HERC1: variants seen among roughly 807,000 people sequenced by gnomAD.
The protein encoded by HERC1 is probable E3 ubiquitin-protein ligase HERC1.
A neutral mutation model predicts 554.3 loss-of-function variants in HERC1; 160 were observed. The ratio of observed to expected loss-of-function variants is 0.29; its 90% CI spans 0.25 to 0.33. The LOEUF (loss-of-function observed/expected upper bound fraction) is 0.33. Ranked by LOEUF, HERC1 falls within the 10% of genes least tolerant of loss-of-function variation. The probability of loss-of-function intolerance (pLI) is 1.00; values close to 1 mark genes in which losing one functional copy is unlikely to be tolerated. For synonymous variants in HERC1, 2,175 were observed against 2,131.7 expected (o/e 1.02, Z -0.56); for missense variants, 4,919 against 5,918.5 (o/e 0.83, Z 5.54).
Position 63,822,558 on chromosome 15 carries a change from C to A in HERC1, c.-27+11269G>T, listed in dbSNP as rs551525864. ...CCGAGATCATGCCACTGCACTCCAG[C>A]CTGGGCAACAGAGCAAGACTCTGTC... On this transcript the variant is annotated intron_variant, in intron 1 of 77. Coordinates refer to ENST00000443617, the MANE Select transcript of HERC1 (RefSeq NM_003922.4). Among the ~76,000 whole-genome samples, 701 of 151,802 alleles carry A rather than the reference C, an allele frequency of 4.6e-3. 3 individuals carry two copies. Among genetic ancestry groups the A allele is most frequent in the Non-Finnish European group, 7.5e-3 (512 of 67,966 alleles).
At chr15:63,794,417 G>A (rs1052555591) in intron 1 of HERC1, among the ~76,000 whole-genome samples, 1 of 152,122 alleles carries the variant, frequency 6.6e-6, no homozygotes. Context: ...ATCACTGAGT[G>A]ATCAACTCAA....
intron 1 of HERC1, among the ~76,000 whole-genome samples, chr15:63,815,960 C>A (rs1567156946): frequency 6.6e-6 from 1 of 152,126 alleles, no homozygotes; most frequent in Non-Finnish European, 1.5e-5. Flanking sequence ...CATGAGAACT[C>A]ACTATCAGGA....
At chr15:63,742,627 G>A (rs976968987) in intron 12 of HERC1, among the ~76,000 whole-genome samples, 1 of 152,056 alleles carries the variant, frequency 6.6e-6, no homozygotes, top group African/African-American at 2.4e-5. Flanking sequence ...CCCTTTTCAG[G>A]TTAAGAAAGT....
intron 22 of HERC1, among the ~76,000 whole-genome samples, chr15:63,714,030 A>C (rs1352236721): frequency 6.6e-6 from 1 of 152,078 alleles, no homozygotes; most frequent in Non-Finnish European, 1.5e-5. Flanking sequence ...CCCACCCCAG[A>C]CCTTCTGAAT....
chr15:63,798,218 T>C (rs1195483554), intron 1 of HERC1, among the ~76,000 whole-genome samples: 1 of 152,180 alleles, frequency 6.6e-6, no homozygotes, highest in African/African-American at 2.4e-5. Context: ...AGCTCCCTGA[T>C]AGCAGGTTCT....
At chr15:63,740,332 T>C (rs186614242) in intron 12 of HERC1, among the ~76,000 whole-genome samples, 3 of 152,380 alleles carry the variant, frequency 2.0e-5, no homozygotes, top group Non-Finnish European at 4.4e-5. Context: ...TGTTTATCAG[T>C]TGACAGACAC....
intron 55 of HERC1, 21 bp downstream of exon 55, chr15:63,648,048 G>C (rs141097490): frequency 1.9e-6 from 3 of 1,543,340 alleles, no homozygotes; most frequent in Non-Finnish European, 2.6e-6. Flanking sequence ...ATAAAATTAC[G>C]TTTTTTAAAG....
At chr15:63,762,349 G>C (rs1478212224) in intron 3 of HERC1, among the ~76,000 whole-genome samples, 2 of 152,032 alleles carry the variant, frequency 1.3e-5, no homozygotes, top group African/African-American at 4.8e-5. Context: ...TTGAGATGAA[G>C]TTTTGGTCTT....
chr15:63,628,676 C>G lies in HERC1; in HGVS notation c.13105+1G>C. ...AGGAGCATGAATATTTCATTCCTCACCTGGTGCTCTTGGTGGGACAGGTGG... is the reference window on the plus strand; with the variant it reads ...AGGAGCATGAATATTTCATTCCTCAGCTGGTGCTCTTGGTGGGACAGGTGG... On this transcript the variant is annotated splice_donor_variant, in intron 70 of 77. Coordinates refer to ENST00000443617, the MANE Select transcript of HERC1 (RefSeq NM_003922.4). LOFTEE classifies it high-confidence loss of function. 1 of 1,607,574 alleles carries G rather than the reference C, an allele frequency of 6.2e-7. No homozygotes were observed. Among genetic ancestry groups the G allele is most frequent in the South Asian group, 1.1e-5 (1 of 90,288 alleles).
rs192347135 is a variant in HERC1 at position 63,814,332 on chromosome 15, T to C, written c.-27+19495A>G. 1.1e-4 allele frequency among the ~76,000 whole-genome samples: 17 copies of C among 152,302 alleles called. No homozygotes were observed. In the East Asian group the frequency reaches 3.1e-3, roughly 28 times the overall value. On this transcript the variant is annotated intron_variant, in intron 1 of 77. Coordinates refer to ENST00000443617, the MANE Select transcript of HERC1 (RefSeq NM_003922.4). ...ATTTCCATTTGTTAAAATGCAACTT[T>C]TCTTTGTGACCCAAATCCTCATCTC...
rs748862999 is a variant in HERC1 at position 63,656,057 on chromosome 15, G to GT, written c.9870+30dup. ...CAAGAATCAGTCAGAAATAATCAAT[G>GT]TAACGGGGAAAAGTACTGAAAGTAG... On this transcript the variant is annotated intron_variant, in intron 49 of 77. Transcript: ENST00000443617. 1.2e-5 allele frequency: 20 copies of GT among 1,605,380 alleles called. No homozygotes were observed. The Middle Eastern group carries it at 4.9e-4, about 40-fold the overall frequency.
At chr15:63,642,024 T>C (rs8028257) in intron 59 of HERC1, among the ~76,000 whole-genome samples, 123,597 of 152,016 alleles carry the variant, frequency 0.81, 52,118 homozygotes, top group Non-Finnish European at 0.88. Flanking sequence ...GGCTCTGTGG[T>C]TTATTCTACA....
chr15:63,830,409 C>T (rs573721781), intron 1 of HERC1, among the ~76,000 whole-genome samples: 44 of 152,078 alleles, frequency 2.9e-4, no homozygotes, highest in African/African-American at 9.9e-4. Context: ...TAACAGTACT[C>T]ATCAAAAATG....
chr15:63,797,248 T>C (rs995096816), intron 1 of HERC1, among the ~76,000 whole-genome samples: 1 of 152,204 alleles, frequency 6.6e-6, no homozygotes, highest in Admixed American at 6.5e-5. Flanking sequence ...ATAGTTTCTA[T>C]CATCCCTTAC....
intron 70 of HERC1, among the ~76,000 whole-genome samples, chr15:63,627,171 C>T (rs1205749291): frequency 6.6e-6 from 1 of 152,190 alleles, no homozygotes; most frequent in Non-Finnish European, 1.5e-5. Context: ...CCATTTCCTG[C>T]TTGTTTGGCA....
rs374847616 is a variant in HERC1 at position 63,811,809 on chromosome 15, CAAAAAAAAA to C, written c.-27+22009_-27+22017del. Among the ~76,000 whole-genome samples, 35 of 77,170 alleles carry C rather than the reference CAAAAAAAAA, an allele frequency of 4.5e-4. 1 individual carries two copies. The highest frequency in any genetic ancestry group is 5.4e-3 in the Middle Eastern group (1 of 184). The allele number at this position is 77,170 out of a possible 152,430, so 50.6% of individuals were successfully genotyped here. ...GGGCGACTCAGTGAGACTCCGTCTC[CAAAAAAAAA>C]AAAAAAAAAACAGAAAGGAAAAAAC... is the stretch of plus-strand genomic sequence containing the variant. On this transcript the variant is annotated intron_variant, in intron 1 of 77. Transcript: ENST00000443617.
chr15:63,811,911 A>G (rs74019025), intron 1 of HERC1, among the ~76,000 whole-genome samples: 4,079 of 152,276 alleles, frequency 0.027, 72 homozygotes, highest in African/African-American at 0.051. Context: ...TCTATTGTTA[A>G]CCATGTTCTT....
At chr15:63,633,414 T>G (rs1354911044) in intron 67 of HERC1, among the ~76,000 whole-genome samples, 1 of 152,256 alleles carries the variant, frequency 6.6e-6, no homozygotes, top group Non-Finnish European at 1.5e-5. Context: ...TCTTTCTTCA[T>G]GGACTCAGAT....
chr15:63,833,844 G>T lies in HERC1; in HGVS notation c.-44C>A, dbSNP rs1036009631. 1 of 153,120 alleles carries T rather than the reference G, an allele frequency of 6.5e-6. No homozygotes were observed. Among genetic ancestry groups the T allele is most frequent in the Non-Finnish European group, 1.5e-5 (1 of 68,554 alleles). The allele number at this position is 153,120 out of a possible 1,614,324, so 9.5% of individuals were successfully genotyped here. A position where few individuals can be genotyped will look rare whatever the true frequency, so the allele number is the denominator to read the frequency against. The stretch of plus-strand genomic sequence containing the variant: ...TACCGTACGTGGCTCTGGAGCTGGC[G>T]GGGTGGGGCGCGGCTCCGGCGACCC... On this transcript the variant is annotated 5_prime_UTR_variant, in exon 1 of 78. Coordinates refer to ENST00000443617, the MANE Select transcript of HERC1 (RefSeq NM_003922.4).
Sources: allele counts gnomAD v4.1 joint callset (sites outside exome capture counted in the v4.1 genomes callset), GRCh38; gene constraint gnomAD v4.1.1; transcripts MANE v1.5; gene names NCBI Gene and HGNC (gene_info 2026-07-23, HGNC 2026-07-21).